PPCDC: variants seen among roughly 807,000 people sequenced by gnomAD.
PPCDC encodes phosphopantothenoylcysteine decarboxylase.
Under a neutral mutation model 20.7 loss-of-function variants are expected in PPCDC, and 20 were observed. That is an observed-to-expected ratio of 0.97 (90% CI 0.68 to 1.41). The LOEUF is 1.41. PPCDC is among the 40% of genes most tolerant of loss of function. The pLI, the probability that PPCDC is intolerant of heterozygous loss-of-function variation, is 0.00. For missense variants in PPCDC, 246 were observed against 263.8 expected, an observed-to-expected ratio of 0.93 and a Z score of 0.47; for synonymous variants, 88 against 100.3, an observed-to-expected ratio of 0.88 and a Z score of 0.73.
intron 4 of PPCDC, among the ~76,000 whole-genome samples, chr15:75,046,381 A>C (rs971899014): frequency 2.6e-5 from 4 of 152,256 alleles, no homozygotes; most frequent in African/African-American, 9.6e-5. Flanking sequence ...GGTCAGCAGC[A>C]GCTGGTGTGA....
intron 1 of PPCDC, among the ~76,000 whole-genome samples, chr15:75,026,072 C>A (rs1035048400): frequency 1.2e-4 from 19 of 152,142 alleles, no homozygotes; most frequent in African/African-American, 4.3e-4. Flanking sequence ...AATACAGATT[C>A]CTGCCCCAAG....
intron 2 of PPCDC, among the ~76,000 whole-genome samples, chr15:75,029,176 C>T (rs1041573575): frequency 2.6e-5 from 4 of 152,176 alleles, no homozygotes; most frequent in Admixed American, 6.5e-5. Context: ...TTGGTCTTTG[C>T]GTGGCTGGGC....
chr15:75,026,289 C>T (rs905726915), intron 1 of PPCDC, among the ~76,000 whole-genome samples: 2 of 152,192 alleles, frequency 1.3e-5, no homozygotes, highest in African/African-American at 4.8e-5. Flanking sequence ...GCCTCCATCA[C>T]CTACCAATGA....
chr15:75,035,781 A>G (rs2066077256), intron 2 of PPCDC, among the ~76,000 whole-genome samples: 1 of 152,172 alleles, frequency 6.6e-6, no homozygotes, highest in Non-Finnish European at 1.5e-5. Context: ...AGCCTGGCCA[A>G]CATGGTGAAA....
chr15:75,027,445 C>G (rs2065971547), intron 1 of PPCDC, among the ~76,000 whole-genome samples: 1 of 152,152 alleles, frequency 6.6e-6, no homozygotes, highest in African/African-American at 2.4e-5. Flanking sequence ...CCTGCATCCC[C>G]TTTATGCTGG....
intron 4 of PPCDC, among the ~76,000 whole-genome samples, chr15:75,048,065 A>G (rs942151420): frequency 1.3e-5 from 2 of 152,054 alleles, no homozygotes; most frequent in African/African-American, 4.8e-5. Flanking sequence ...CCTTCTTTAT[A>G]AGGTCTCAGT....
chr15:75,045,173 T>G (rs1284080773), intron 4 of PPCDC: 2 of 153,262 alleles, frequency 1.3e-5, no homozygotes, highest in African/African-American at 4.8e-5. Context: ...CCTGGGAAGA[T>G]TTGGGTGTGA....
chr15:75,038,191 T>C (rs1183450100), intron 2 of PPCDC, among the ~76,000 whole-genome samples: 3 of 152,334 alleles, frequency 2.0e-5, no homozygotes, highest in Non-Finnish European at 4.4e-5. Flanking sequence ...TTATAGCCAG[T>C]GAAAGATCCA....
intron 2 of PPCDC, among the ~76,000 whole-genome samples, chr15:75,042,422 G>A (rs1010324200): frequency 3.6e-4 from 55 of 152,110 alleles, no homozygotes; most frequent in African/African-American, 1.3e-3. Context: ...AGACTGGGGC[G>A]GGTGGATCAC....
intron 2 of PPCDC, among the ~76,000 whole-genome samples, chr15:75,039,587 C>T (rs1481147480): frequency 6.6e-6 from 1 of 152,162 alleles, no homozygotes; most frequent in African/African-American, 2.4e-5. Context: ...TCCTAGGCTC[C>T]TGGGCTCTAA....
intron 1 of PPCDC, among the ~76,000 whole-genome samples, chr15:75,024,657 G>A (rs1051871857): frequency 4.7e-5 from 7 of 150,010 alleles, no homozygotes; most frequent in Non-Finnish European, 8.9e-5. Context: ...TCACCCTCCT[G>A]TATACTCTTT....
In PPCDC at chr15:75,023,634, G is replaced by A. The variant is rs2304904; in HGVS notation, c.-73+8G>A. On this transcript the variant is annotated splice_region_variant and intron_variant, in intron 1 of 5. Transcript: ENST00000342932. ...GAGACGCGCCTGGCGCGGGTGAGCA[G>A]TGGAAGGGGGCTGGGAAGCTGGGTT... The A allele has an allele frequency of 0.085, 12,961 of 152,464 alleles. 1,262 individuals are homozygous for A. The highest frequency in any genetic ancestry group is 0.43 in the South Asian group (2,076 of 4,830). 9.4% of individuals were successfully genotyped at this position (152,464 alleles called of 1,614,324 possible). A position where few individuals can be genotyped will look rare whatever the true frequency, so the allele number is the denominator to read the frequency against.
chr15:75,033,909 C>T (rs1259416464), intron 2 of PPCDC, among the ~76,000 whole-genome samples: 5 of 152,150 alleles, frequency 3.3e-5, no homozygotes, highest in African/African-American at 1.2e-4. Flanking sequence ...TGGTTTCCTT[C>T]TTGAGAATTT....
At chr15:75,047,691 A>T (rs1185113690) in intron 4 of PPCDC, among the ~76,000 whole-genome samples, 1 of 152,180 alleles carries the variant, frequency 6.6e-6, no homozygotes, top group Non-Finnish European at 1.5e-5. Context: ...TTCTCACCTC[A>T]GTCCTCACAG....
chr15:75,029,809 C>T (rs2065999920), intron 2 of PPCDC, among the ~76,000 whole-genome samples: 1 of 152,132 alleles, frequency 6.6e-6, no homozygotes, highest in Admixed American at 6.5e-5. Flanking sequence ...GGGAGGGAGC[C>T]ATGCAGTTCC....
chr15:75,034,027 G>A (rs1408064438), intron 2 of PPCDC, among the ~76,000 whole-genome samples: 1 of 152,218 alleles, frequency 6.6e-6, no homozygotes, highest in African/African-American at 2.4e-5. Flanking sequence ...TGCAGAGCCA[G>A]GTGGGAAAGG....
Position 75,028,051 on chromosome 15 carries a change from C to A in PPCDC, c.-72-196C>A. ...CACCTGGTACAGCCCTTCCCCACAGCACTGCATCATTCCCTTGTGACTGGC... is the reference window on the plus strand; with the variant it reads ...CACCTGGTACAGCCCTTCCCCACAGAACTGCATCATTCCCTTGTGACTGGC... On this transcript the variant is annotated intron_variant, in intron 1 of 5. Transcript: ENST00000342932. 9 of 473,868 alleles carry A rather than the reference C, an allele frequency of 1.9e-5. 1 individual carries two copies. The South Asian group carries it at 2.0e-4, about 11-fold the overall frequency. The allele number at this position is 473,868 out of a possible 1,614,324, so 29.4% of individuals were successfully genotyped here.
chr15:75,043,257 C>G, intron 2 of PPCDC, 184 bp from the exon 3 acceptor site: 1 of 575,938 alleles, frequency 1.7e-6, no homozygotes, highest in Admixed American at 3.2e-5. Flanking sequence ...TAGGGCCTGA[C>G]CTTTGGGTGA....
chr15:75,035,730 G>A (rs149202249), intron 2 of PPCDC, among the ~76,000 whole-genome samples: 1 of 152,300 alleles, frequency 6.6e-6, no homozygotes, highest in African/African-American at 2.4e-5. Flanking sequence ...ACTTTGGGAG[G>A]CTGAGGTGGG....
Sources: gnomAD v4.1 joint callset for allele counts (sites outside exome capture counted in the v4.1 genomes callset) on GRCh38, gnomAD v4.1.1 for gene constraint, MANE v1.5 for transcripts, NCBI Gene and HGNC (gene_info 2026-07-23, HGNC 2026-07-21) for gene names.